Variants in DPP10 observed in about 807,000 individuals in gnomAD.
DPP10 encodes dipeptidyl peptidase like 10, also known as inactive dipeptidyl peptidase 10.
Under a neutral mutation model 120.9 loss-of-function variants are expected in DPP10, and 33 were observed. The ratio of observed to expected loss-of-function variants is 0.27; its 90% CI spans 0.21 to 0.37. The LOEUF is 0.37. DPP10 is among the 10% of genes least tolerant of loss of function. The probability of loss-of-function intolerance (pLI) is 1.00; values close to 1 mark genes in which losing one functional copy is unlikely to be tolerated. For missense variants in DPP10, 816 were observed against 942.8 expected (o/e 0.87, Z 1.76); for synonymous variants, 337 against 326.1 (o/e 1.03, Z -0.36).
Position 115,393,793 on chromosome 2 carries a change from G to A in DPP10, c.271+49881G>A, listed in dbSNP as rs528750360. Among the ~76,000 whole-genome samples, 324 of 152,254 alleles carry A rather than the reference G, an allele frequency of 2.1e-3. 3 individuals carry two copies. Among genetic ancestry groups the A allele is most frequent in the Middle Eastern group, 6.8e-3 (2 of 294 alleles). On this transcript the variant is annotated intron_variant, in intron 3 of 25. Coordinates refer to ENST00000410059, the MANE Select transcript of DPP10 (RefSeq NM_020868.6). ...CTGTCTAGGGTGGTTTCTAGGAGTG[G>A]CAAATTATAAGCTGGTATACCAAGC...
At chr2:115,671,379 C>T (rs2089859870) in intron 5 of DPP10, among the ~76,000 whole-genome samples, 1 of 151,690 alleles carries the variant, frequency 6.6e-6, no homozygotes, top group East Asian at 1.9e-4. Context: ...CAGAATAAAT[C>T]ATAAGTAAAT....
At chr2:115,091,377 T>C (rs1273346365) in intron 1 of DPP10, among the ~76,000 whole-genome samples, 1 of 152,224 alleles carries the variant, frequency 6.6e-6, no homozygotes, top group Non-Finnish European at 1.5e-5. Context: ...TTGTCTGAAG[T>C]CTGAGGACAT....
At chr2:114,748,175 A>T (rs1328300209) in intron 1 of DPP10, among the ~76,000 whole-genome samples, 1 of 151,992 alleles carries the variant, frequency 6.6e-6, no homozygotes, top group Non-Finnish European at 1.5e-5. Context: ...AAAATTAAAC[A>T]AAAATCTGTT....
intron 21 of DPP10, among the ~76,000 whole-genome samples, chr2:115,822,532 T>C (rs1389549234): frequency 6.6e-6 from 1 of 152,052 alleles, no homozygotes; most frequent in Non-Finnish European, 1.5e-5. Context: ...AATCTATAAA[T>C]CACCTGGCAA....
At chr2:115,483,234 A>T (rs1364580635) in intron 3 of DPP10, among the ~76,000 whole-genome samples, 2 of 152,106 alleles carry the variant, frequency 1.3e-5, no homozygotes, top group Non-Finnish European at 2.9e-5. Context: ...AATATGTATT[A>T]TAGTATTTGA....
chr2:114,532,294 T>TACACACACACAC (rs1445405855), intron 1 of DPP10, among the ~76,000 whole-genome samples: 1 of 65,932 alleles, frequency 1.5e-5, no homozygotes, highest in African/African-American at 6.3e-5. Flanking sequence ...TATATATATA[T>TACACACACACAC]ATACACACAC....
chr2:115,551,181 A>T (rs1324813227), intron 5 of DPP10, among the ~76,000 whole-genome samples: 1 of 152,106 alleles, frequency 6.6e-6, no homozygotes, highest in Non-Finnish European at 1.5e-5. Flanking sequence ...TGCTTGTAGT[A>T]CCTGTCAAGC....
chr2:114,994,064 C>T (rs1205368649), intron 1 of DPP10, among the ~76,000 whole-genome samples: 4 of 152,066 alleles, frequency 2.6e-5, no homozygotes, highest in Admixed American at 2.6e-4. Context: ...ACAGTGACTT[C>T]GTTTTCAATA....
intron 1 of DPP10, among the ~76,000 whole-genome samples, chr2:114,525,440 C>T (rs1289679830): frequency 6.6e-6 from 1 of 152,166 alleles, no homozygotes; most frequent in Non-Finnish European, 1.5e-5. Context: ...TGTAGTATAA[C>T]ATCTACTATT....
chr2:115,637,301 A>G (rs1053882925), intron 5 of DPP10, among the ~76,000 whole-genome samples: 5 of 152,170 alleles, frequency 3.3e-5, no homozygotes, highest in African/African-American at 1.2e-4. Context: ...AATTATATAC[A>G]CAATAGGAAG....
intron 5 of DPP10, among the ~76,000 whole-genome samples, chr2:115,687,878 G>T (rs554349006): frequency 1.3e-5 from 2 of 152,036 alleles, no homozygotes; most frequent in African/African-American, 2.4e-5. Flanking sequence ...CTTTAGATGT[G>T]TGCCTAAAAG....
intron 3 of DPP10, among the ~76,000 whole-genome samples, chr2:115,368,259 T>C (rs1364094166): frequency 6.6e-6 from 1 of 152,066 alleles, no homozygotes; most frequent in African/African-American, 2.4e-5. Context: ...GGACAGGAAG[T>C]CTACAGTGTG....
At chr2:114,900,255 G>A (rs75035677) in intron 1 of DPP10, among the ~76,000 whole-genome samples, 1,874 of 152,250 alleles carry the variant, frequency 0.012, 35 homozygotes, top group African/African-American at 0.043. Flanking sequence ...ATTCTTGTAC[G>A]TGTCTCCTGG....
intron 5 of DPP10, among the ~76,000 whole-genome samples, chr2:115,565,181 T>A (rs2080923847): frequency 6.6e-6 from 1 of 152,220 alleles, no homozygotes; most frequent in African/African-American, 2.4e-5. Flanking sequence ...GAAGATAATT[T>A]ACATTTTTGT....
At chr2:115,348,103 GCTTCTGAGACTGCTCAGA>G (rs2063798761) in intron 3 of DPP10, among the ~76,000 whole-genome samples, 1 of 152,090 alleles carries the variant, frequency 6.6e-6, no homozygotes, top group Non-Finnish European at 1.5e-5. Context: ...TACAGACTTT[GCTTCTGAGACTGCTCAGA>G]GGCCTTCCAA....
At chr2:115,409,029 TAAAG>T (rs1017515820) in intron 3 of DPP10, among the ~76,000 whole-genome samples, 12 of 151,254 alleles carry the variant, frequency 7.9e-5, no homozygotes, top group African/African-American at 1.5e-4. Flanking sequence ...TTTTTAAAGA[TAAAG>T]GAAGGAAAAC....
chr2:114,989,362 G>A lies in DPP10; in HGVS notation c.61-319877G>A, dbSNP rs527601627. ...AAGATCACATAAGACCTGGACCTGC[G>A]TGGATGAATAGTAGGATGTCCACAG... On this transcript the variant is annotated intron_variant, in intron 1 of 25. Transcript: ENST00000410059. 6.6e-5 allele frequency among the ~76,000 whole-genome samples: 10 copies of A among 152,230 alleles called. No homozygotes were observed. The South Asian group carries it at 8.3e-4, about 13-fold the overall frequency.
chr2:114,800,406 T>C (rs182142136), intron 1 of DPP10, among the ~76,000 whole-genome samples: 1 of 152,360 alleles, frequency 6.6e-6, no homozygotes, highest in Non-Finnish European at 1.5e-5. Flanking sequence ...TGTATACTTA[T>C]TTTAATCAGC....
intron 1 of DPP10, among the ~76,000 whole-genome samples, chr2:114,788,016 A>G (rs1336193270): frequency 1.3e-5 from 2 of 152,228 alleles, no homozygotes; most frequent in African/African-American, 2.4e-5. Context: ...CTAATAACAC[A>G]TATTATCATG....
Sources: allele counts gnomAD v4.1 joint callset (sites outside exome capture counted in the v4.1 genomes callset), GRCh38; gene constraint gnomAD v4.1.1; transcripts MANE v1.5; gene names NCBI Gene and HGNC (gene_info 2026-07-23, HGNC 2026-07-21).